The following CASQ2 variants were observed in gnomAD, a reference collection of about 807,000 sequenced individuals.
The protein encoded by CASQ2 is calsequestrin 2.
A neutral mutation model predicts 46.5 loss-of-function variants in CASQ2; 49 were observed. The ratio of observed to expected loss-of-function variants is 1.05; its 90% CI spans 0.84 to 1.34. The LOEUF (loss-of-function observed/expected upper bound fraction) is 1.34, where lower values mean the gene tolerates loss of function less well. CASQ2 is among the 40% of genes most tolerant of loss of function. The pLI is 0.00. For synonymous variants in CASQ2, 174 were observed against 168.5 expected, an observed-to-expected ratio of 1.03 and a Z score of -0.25; for missense variants, 486 against 481.3, an observed-to-expected ratio of 1.01 and a Z score of -0.09.
chr1:115,709,225 A>G (rs770248967), intron 8 of CASQ2, among the ~76,000 whole-genome samples: 3 of 152,204 alleles, frequency 2.0e-5, no homozygotes, highest in South Asian at 2.1e-4. Context: ...GTTTCTTTGT[A>G]AAACTGGCAA....
intron 1 of CASQ2, among the ~76,000 whole-genome samples, chr1:115,752,962 G>C (rs539484866): frequency 6.6e-6 from 1 of 152,116 alleles, no homozygotes; most frequent in Non-Finnish European, 1.5e-5. Flanking sequence ...AGTCAGACCT[G>C]GTAAGTCTTC....
intron 1 of CASQ2, among the ~76,000 whole-genome samples, chr1:115,766,606 C>A (rs1366331393): frequency 1.3e-5 from 2 of 152,166 alleles, no homozygotes; most frequent in Non-Finnish European, 2.9e-5. Context: ...AAAGCCAGAA[C>A]TTAAATCCAG....
At chr1:115,701,545 C>G (rs80057683) in intron 10 of CASQ2, 119 bp from the exon 11 acceptor site, 1 of 730,922 alleles carries the variant, frequency 1.4e-6, no homozygotes, top group East Asian at 2.7e-5. Flanking sequence ...TTATTAGGAA[C>G]GTGCACATTG....
Position 115,767,529 on chromosome 1 carries a change from C to T in CASQ2, c.234+779G>A, listed in dbSNP as rs1166788800. Among the ~76,000 whole-genome samples, 6 of 152,110 alleles carry T rather than the reference C, an allele frequency of 3.9e-5. No homozygotes were observed. In the South Asian group the frequency reaches 8.3e-4, roughly 21 times the overall value. On this transcript the variant is annotated intron_variant, in intron 1 of 10. Transcript: ENST00000261448. ...GAGACTGATGAGGCATCTTGGTGCC[C>T]ACTAGCATTCTTGGCACCCTCAGGC...
Position 115,724,791 on chromosome 1 carries a change from A to G in CASQ2, c.783+717T>C, listed in dbSNP as rs552999964. On this transcript the variant is annotated intron_variant, in intron 7 of 10. Transcript: ENST00000261448. ...AAAAGTCCCAATTTTAGATGAGGAA[A>G]TTTAGACAGCTCAGAAAGGCCACAG... 2.5e-4 allele frequency among the ~76,000 whole-genome samples: 38 copies of G among 152,320 alleles called. No homozygotes were observed. The South Asian group carries it at 7.1e-3, about 28-fold the overall frequency.
intron 1 of CASQ2, among the ~76,000 whole-genome samples, chr1:115,758,733 C>T (rs1648843298): frequency 6.6e-6 from 1 of 152,204 alleles, no homozygotes; most frequent in African/African-American, 2.4e-5. Context: ...CTCTCTCTCG[C>T]TTCCTCTGGT....
At chr1:115,744,777 A>T (rs1205352428) in intron 2 of CASQ2, 51 bp downstream of exon 2, 1 of 1,243,536 alleles carries the variant, frequency 8.0e-7, no homozygotes, top group Non-Finnish European at 1.2e-6. Flanking sequence ...TTCCTTTTGC[A>T]AGACACATTC....
At chr1:115,731,714 C>T (rs917090581) in intron 5 of CASQ2, among the ~76,000 whole-genome samples, 1 of 152,144 alleles carries the variant, frequency 6.6e-6, no homozygotes, top group African/African-American at 2.4e-5. Context: ...TCAGTAACTA[C>T]ATGATCATGA....
At chr1:115,708,454 G>C (rs761044512) in intron 8 of CASQ2, among the ~76,000 whole-genome samples, 1 of 152,146 alleles carries the variant, frequency 6.6e-6, no homozygotes, top group Non-Finnish European at 1.5e-5. Flanking sequence ...AGCCCAGAAT[G>C]GCCCTTAAAC....
intron 7 of CASQ2, among the ~76,000 whole-genome samples, chr1:115,724,036 G>A (rs1647484803): frequency 6.6e-6 from 1 of 152,138 alleles, no homozygotes; most frequent in Non-Finnish European, 1.5e-5. Flanking sequence ...CCCTGGTTCT[G>A]TTCATCCATC....
chr1:115,716,708 A>G (rs74117039), intron 8 of CASQ2, among the ~76,000 whole-genome samples: 2,173 of 152,220 alleles, frequency 0.014, 62 homozygotes, highest in African/African-American at 0.05. Context: ...AAAAAATAAA[A>G]TCCCGCTAGG....
intron 2 of CASQ2, among the ~76,000 whole-genome samples, chr1:115,744,305 A>G (rs1648307871): frequency 6.6e-6 from 1 of 152,174 alleles, no homozygotes; most frequent in South Asian, 2.1e-4. Context: ...TCACTTAACC[A>G]TACCTCACCT....
Position 115,702,567 on chromosome 1 carries a change from G to T in CASQ2, c.1014+354C>A, listed in dbSNP as rs181787860. Among the ~76,000 whole-genome samples, 81 of 152,326 alleles carry T rather than the reference G, an allele frequency of 5.3e-4. 1 individual carries two copies. The East Asian group carries it at 0.013, about 24-fold the overall frequency. On this transcript the variant is annotated intron_variant, in intron 10 of 10. Coordinates refer to ENST00000261448, the MANE Select transcript of CASQ2 (RefSeq NM_001232.4). ...CCACAACGGCCCCATCACCCATTGT[G>T]CAGTGATGGCTCCTGGTGTGGGTTC...
intron 1 of CASQ2, among the ~76,000 whole-genome samples, chr1:115,766,369 A>G (rs557334131): frequency 1.3e-4 from 20 of 152,352 alleles, no homozygotes; most frequent in African/African-American, 4.6e-4. Context: ...ATAAAATGGA[A>G]TTGGTAACTG....
chr1:115,724,250 G>C (rs901835282), intron 7 of CASQ2, among the ~76,000 whole-genome samples: 1 of 152,192 alleles, frequency 6.6e-6, no homozygotes. Context: ...TGATTAATCT[G>C]TATGAGCGTC....
chr1:115,726,137 T>G (rs1056414775), intron 6 of CASQ2, among the ~76,000 whole-genome samples: 3 of 152,214 alleles, frequency 2.0e-5, no homozygotes, highest in Non-Finnish European at 4.4e-5. Flanking sequence ...GAACTAGGAC[T>G]GTCCAGGTGA....
chr1:115,744,754 T>C lies in CASQ2; in HGVS notation c.319+74A>G. 4.3e-6 allele frequency: 4 copies of C among 938,700 alleles called. No individual in the cohort carries two copies. The South Asian group carries it at 5.3e-5, about 12-fold the overall frequency. 58.1% of individuals were successfully genotyped at this position (938,700 alleles called of 1,614,324 possible). A position where few individuals can be genotyped will look rare whatever the true frequency, so the allele number is the denominator to read the frequency against. On this transcript the variant is annotated intron_variant, in intron 2 of 10. Coordinates refer to ENST00000261448, the MANE Select transcript of CASQ2 (RefSeq NM_001232.4). Reference sequence around the variant, plus strand: ...GATAGTCCGCTTATGCAAGAATAATTGCAACTGTACTTTTCCTTTTGCAAG... The same window carrying C: ...GATAGTCCGCTTATGCAAGAATAATCGCAACTGTACTTTTCCTTTTGCAAG...
chr1:115,734,136 A>G (rs188796551), intron 4 of CASQ2, among the ~76,000 whole-genome samples: 149 of 152,360 alleles, frequency 9.8e-4, no homozygotes, highest in African/African-American at 3.4e-3. Context: ...AAAAGTAAGC[A>G]GGTAGTCAGA....
chr1:115,752,169 A>G (rs1648605840), intron 1 of CASQ2, among the ~76,000 whole-genome samples: 1 of 152,200 alleles, frequency 6.6e-6, no homozygotes, highest in Non-Finnish European at 1.5e-5. Flanking sequence ...GTCTGCATTT[A>G]AATGTCAGTT....
Sources: gnomAD v4.1 joint callset for allele counts (sites outside exome capture counted in the v4.1 genomes callset) on GRCh38, gnomAD v4.1.1 for gene constraint, MANE v1.5 for transcripts, NCBI Gene and HGNC (gene_info 2026-07-23, HGNC 2026-07-21) for gene names.